Variants in EML6 observed in about 807,000 individuals in gnomAD.
EML6 encodes EMAP like 6, also known as echinoderm microtubule-associated protein-like 6.
EML6 carries 154 observed loss-of-function variants against 240.1 expected under a neutral mutation model. The ratio of observed to expected loss-of-function variants is 0.64; its 90% CI spans 0.56 to 0.73. The LOEUF (loss-of-function observed/expected upper bound fraction) is 0.73. EML6 is among the 30% of genes least tolerant of loss of function. The pLI is 0.00. For synonymous variants in EML6, 1,148 were observed against 899.0 expected (o/e 1.28, Z -4.95); for missense variants, 2,964 against 2,474.6 (o/e 1.20, Z -4.20).
intron 13 of EML6, 40 bp downstream of exon 13, chr2:54,863,929 AG>A: frequency 9.2e-7 from 1 of 1,084,206 alleles, no homozygotes; most frequent in East Asian, 2.6e-5. Flanking sequence ...TAACCCCAGA[AG>A]GGGATCTCAT....
Position 54,964,178 on chromosome 2 carries a change from G to A in EML6, c.5330+20G>A. The A allele has an allele frequency of 6.5e-7, 1 of 1,548,722 alleles. No homozygotes were observed. Among genetic ancestry groups the A allele is most frequent in the Non-Finnish European group, 8.7e-7 (1 of 1,145,562 alleles). ...TATCAGGTACCTAAGTGGGTGGTCTGGGCATGGAGGAGAAAGGCAAGCATT... is the reference window on the plus strand; with the variant it reads ...TATCAGGTACCTAAGTGGGTGGTCTAGGCATGGAGGAGAAAGGCAAGCATT... On this transcript the variant is annotated intron_variant, in intron 37 of 41. Transcript: ENST00000356458.
At chr2:54,747,306 G>C (rs1215159408) in intron 2 of EML6, 1 of 152,090 alleles carries the variant, frequency 6.6e-6, no homozygotes, top group Non-Finnish European at 1.5e-5. Context: ...TTTCAGAGCG[G>C]GTCACTTCAC....
intron 2 of EML6, among the ~76,000 whole-genome samples, chr2:54,812,561 A>T (rs1263596402): frequency 2.6e-5 from 4 of 152,054 alleles, no homozygotes; most frequent in African/African-American, 9.7e-5. Flanking sequence ...ATACTTCTCA[A>T]CGGCTACTGA....
chr2:54,861,209 A>T (rs1670654767), intron 12 of EML6, among the ~76,000 whole-genome samples: 1 of 152,180 alleles, frequency 6.6e-6, no homozygotes, highest in Non-Finnish European at 1.5e-5. Context: ...CCCCAGTGAT[A>T]AATCTAAGCC....
chr2:54,850,106 T>C lies in EML6; in HGVS notation c.1332T>C (p.Ile444=), dbSNP rs1406288018. ...VYAVAQRYKK[I]GECSKSLSFI... ...CTGTTGCCCAGAGGTATAAGAAAAT[T>C]GGAGAATGCAGCAAGTCCCTTAGTT... Residue 444 remains isoleucine (I), a synonymous_variant, in exon 10 of 42, where the codon ATT becomes ATC. Coordinates refer to ENST00000356458, the MANE Select transcript of EML6 (RefSeq NM_001039753.4). 6.4e-7 allele frequency: 1 copy of C among 1,552,036 alleles called. No homozygotes were observed. The highest frequency in any genetic ancestry group is 1.2e-5 in the South Asian group (1 of 84,062).
intron 17 of EML6, chr2:54,881,995 G>C (rs1388671585): frequency 6.6e-6 from 1 of 152,260 alleles, no homozygotes; most frequent in East Asian, 1.9e-4. Context: ...GCTGCTGGTG[G>C]CTGTGCTGAC....
chr2:54,920,651 T>A (rs1164021086), intron 26 of EML6, among the ~76,000 whole-genome samples: 2 of 152,264 alleles, frequency 1.3e-5, no homozygotes, highest in East Asian at 3.9e-4. Flanking sequence ...GGAACACTTT[T>A]AAACTCTTCT....
chr2:54,962,393 C>A (rs942171947), intron 35 of EML6, 130 bp from the exon 36 acceptor site: 8 of 712,088 alleles, frequency 1.1e-5, no homozygotes, highest in African/African-American at 7.3e-5. Flanking sequence ...ACTCCCCTGT[C>A]CACCACCCCC....
chr2:54,900,936 A>C (rs998316418), intron 22 of EML6, among the ~76,000 whole-genome samples: 2 of 152,214 alleles, frequency 1.3e-5, no homozygotes, highest in African/African-American at 4.8e-5. Flanking sequence ...AAAGTTCTTA[A>C]GAGGGAAGGA....
chr2:54,967,111 A>G lies in EML6; in HGVS notation c.5597+8A>G, dbSNP rs369298602. 1.7e-5 allele frequency: 26 copies of G among 1,541,832 alleles called. No individual in the cohort carries two copies. The African/African-American group carries it at 3.4e-4, about 20-fold the overall frequency. Reference sequence around the variant, plus strand: ...CTGGGCCTCCTGGACAAGGTGACTGACTGGAAGAAAAAACTTGAGGAAAAG... The same window carrying G: ...CTGGGCCTCCTGGACAAGGTGACTGGCTGGAAGAAAAAACTTGAGGAAAAG... On this transcript the variant is annotated splice_region_variant and intron_variant, in intron 39 of 41. Transcript: ENST00000356458.
chr2:54,924,842 C>T (rs1464991788), intron 26 of EML6, among the ~76,000 whole-genome samples: 3 of 152,256 alleles, frequency 2.0e-5, no homozygotes, highest in East Asian at 1.9e-4. Flanking sequence ...GGATTACAGG[C>T]GTGAGCCACT....
At chr2:54,915,716 C>G (rs1673874146) in intron 25 of EML6, among the ~76,000 whole-genome samples, 1 of 152,052 alleles carries the variant, frequency 6.6e-6, no homozygotes, top group African/African-American at 2.4e-5. Context: ...TGTAATTTCT[C>G]TTCTAAGCAA....
At chr2:54,943,664 A>G (rs1675542423) in intron 28 of EML6, among the ~76,000 whole-genome samples, 2 of 152,196 alleles carry the variant, frequency 1.3e-5, no homozygotes, top group South Asian at 4.1e-4. Context: ...TGTTTCTTCT[A>G]GAGTAGCATT....
intron 15 of EML6, among the ~76,000 whole-genome samples, chr2:54,870,923 A>G (rs768891914): frequency 1.3e-5 from 2 of 152,272 alleles, no homozygotes; most frequent in African/African-American, 2.4e-5. Flanking sequence ...TACATATTAC[A>G]AGTGAGAAAA....
chr2:54,960,103 C>T (rs1474412052), intron 34 of EML6, 117 bp from the exon 35 acceptor site: 8 of 762,874 alleles, frequency 1.0e-5, no homozygotes, highest in African/African-American at 1.0e-4. Flanking sequence ...AGGGTCTTTC[C>T]TTCTGGGCCC....
intron 30 of EML6, among the ~76,000 whole-genome samples, chr2:54,951,118 A>G (rs1675954416): frequency 6.6e-6 from 1 of 152,238 alleles, no homozygotes; most frequent in East Asian, 1.9e-4. Flanking sequence ...CCATGAAGAA[A>G]TCACAGAACT....
At chr2:54,886,554 T>C (rs1401881677) in intron 17 of EML6, among the ~76,000 whole-genome samples, 2 of 152,152 alleles carry the variant, frequency 1.3e-5, no homozygotes, top group African/African-American at 4.8e-5. Flanking sequence ...TGGAAAACAT[T>C]AGTGCCTCAA....
Position 54,827,637 on chromosome 2 carries a change from C to G in EML6, c.597C>G (p.Thr199=). ...GIFGKTGDLQ[T]ILCLACAKED... The stretch of plus-strand genomic sequence containing the variant: ...TTGGCAAAACAGGGGATCTTCAGAC[C>G]ATCCTTTGCCTTGCATGTGCCAAAG... The change falls in exon 6 of 42, where the codon ACC becomes ACG. Residue 199 remains threonine, a synonymous_variant. Transcript: ENST00000356458. 2.6e-6 allele frequency: 4 copies of G among 1,551,628 alleles called. No homozygotes were observed. Among genetic ancestry groups the G allele is most frequent in the Non-Finnish European group, 3.5e-6 (4 of 1,146,928 alleles).
intron 2 of EML6, among the ~76,000 whole-genome samples, chr2:54,778,659 C>T (rs138699558): frequency 0.018 from 2,705 of 151,844 alleles, 32 homozygotes; most frequent in Non-Finnish European, 0.024. Context: ...GAGGCCGAGA[C>T]GGGCAGGTCA....
Sources: allele counts gnomAD v4.1 joint callset (sites outside exome capture counted in the v4.1 genomes callset), GRCh38; gene constraint gnomAD v4.1.1; transcripts MANE v1.5; gene names NCBI Gene and HGNC (gene_info 2026-07-23, HGNC 2026-07-21).